The following PCBP3 variants were observed in gnomAD, a reference collection of about 807,000 sequenced individuals.
The protein encoded by PCBP3 is poly(rC)-binding protein 3.
In PCBP3, 25 loss-of-function variants were observed where a neutral mutation model predicts 52.7. The ratio of observed to expected loss-of-function variants is 0.47; its 90% CI spans 0.35 to 0.66. PCBP3 has a LOEUF of 0.66. Ranked by LOEUF, PCBP3 falls within the 30% of genes least tolerant of loss-of-function variation. The probability of loss-of-function intolerance (pLI) is 0.01; values close to 1 mark genes in which losing one functional copy is unlikely to be tolerated. For synonymous variants in PCBP3, 162 were observed against 183.0 expected (o/e 0.89, Z 0.93); for missense variants, 391 against 490.3 (o/e 0.80, Z 1.91).
intron 5 of PCBP3, among the ~76,000 whole-genome samples, chr21:45,884,530 C>T (rs1007646008): frequency 6.6e-6 from 1 of 152,056 alleles, no homozygotes; most frequent in African/African-American, 2.4e-5. Flanking sequence ...AACATGCATG[C>T]ACATCTAAAT....
intron 5 of PCBP3, among the ~76,000 whole-genome samples, chr21:45,868,497 G>T (rs1255926645): frequency 1.4e-5 from 2 of 145,122 alleles, no homozygotes; most frequent in South Asian, 2.2e-4. Context: ...CTACAAATGT[G>T]TGTGTCTGAC....
intron 11 of PCBP3, among the ~76,000 whole-genome samples, chr21:45,913,439 A>T (rs1282126752): frequency 2.0e-5 from 3 of 152,144 alleles, no homozygotes; most frequent in Non-Finnish European, 4.4e-5. Context: ...AGAACATTCA[A>T]GAGAATTGCT....
At chr21:45,930,197 T>C (rs982011277) in intron 14 of PCBP3, among the ~76,000 whole-genome samples, 1 of 152,074 alleles carries the variant, frequency 6.6e-6, no homozygotes, top group Admixed American at 6.5e-5. Context: ...GCTCCCACTG[T>C]TGGGGGCTGG....
intron 2 of PCBP3, among the ~76,000 whole-genome samples, chr21:45,732,097 GTTAGAAAAAATCTTC>G (rs2145779761): frequency 6.6e-6 from 1 of 151,982 alleles, no homozygotes; most frequent in East Asian, 1.9e-4. Flanking sequence ...GCTTTTGTTT[GTTAGAAAAAATCTTC>G]TTTTTACTTT....
chr21:45,782,418 A>G (rs56378934), intron 4 of PCBP3, among the ~76,000 whole-genome samples: 29,545 of 152,182 alleles, frequency 0.19, 3,061 homozygotes, highest in Middle Eastern at 0.34. Flanking sequence ...TTTACTAGAC[A>G]TGCCTAACAG....
Position 45,935,243 on chromosome 21 carries a change from G to GTATA in PCBP3, c.857-9_857-6dup, listed in dbSNP as rs2076762897. The GTATA allele has an allele frequency of 6.2e-7, 1 of 1,607,416 alleles. No homozygotes were observed. The highest frequency in any genetic ancestry group is 8.5e-7 in the Non-Finnish European group (1 of 1,175,484). On this transcript the variant is annotated splice_polypyrimidine_tract_variant and intron_variant, in intron 15 of 17. Transcript: ENST00000681687. ...CCACCAGCCTAACCATGTCCCCTTG[G>GTATA]TATACCCAGGTCTGGACGCCAGCCC... is the stretch of plus-strand genomic sequence containing the variant.
chr21:45,902,792 G>A (rs570611004), intron 9 of PCBP3, among the ~76,000 whole-genome samples: 34 of 152,382 alleles, frequency 2.2e-4, no homozygotes. Context: ...CGCCAGCATG[G>A]CTGGCCAGCA....
At chr21:45,901,431 C>T (rs2096035849) in intron 9 of PCBP3, 2 of 319,102 alleles carry the variant, frequency 6.3e-6, no homozygotes, top group South Asian at 3.1e-5. Flanking sequence ...TCCCCTGGGG[C>T]GTGCAGCCTG....
intron 4 of PCBP3, among the ~76,000 whole-genome samples, chr21:45,840,205 C>A (rs982657144): frequency 2.0e-5 from 3 of 151,574 alleles, no homozygotes; most frequent in Non-Finnish European, 2.9e-5. Flanking sequence ...GTAATCCCAG[C>A]ACTTTGGGAG....
At position 45,928,089 on chromosome 21, in the gene PCBP3, G is replaced by A. The variant is rs1245751796; in HGVS notation, c.718-1828G>A. On this transcript the variant is annotated intron_variant, in intron 13 of 17. Coordinates refer to ENST00000681687, the MANE Select transcript of PCBP3 (RefSeq NM_001384156.1). The surrounding 1 kb of genome is among the most constrained non-coding windows in gnomAD (Gnocchi z 4.1). ...CTTGCGGTCTTTCCTGACGTGCCCC[G>A]TCCAGGTGGGGCGCCTTCACTAGGA... is the stretch of plus-strand genomic sequence containing the variant. Among the ~76,000 whole-genome samples the A allele has an allele frequency of 3.3e-5, 5 of 152,332 alleles. No individual in the cohort carries two copies. Among genetic ancestry groups the A allele is most frequent in the African/African-American group, 9.6e-5 (4 of 41,588 alleles).
chr21:45,899,872 C>T (rs566158958), intron 7 of PCBP3, among the ~76,000 whole-genome samples: 2 of 152,294 alleles, frequency 1.3e-5, no homozygotes, highest in East Asian at 1.9e-4. Context: ...GCCCCCTGCC[C>T]GTGGCCTTGG....
chr21:45,730,770 T>C (rs2085395559), intron 2 of PCBP3, among the ~76,000 whole-genome samples: 3 of 152,192 alleles, frequency 2.0e-5, no homozygotes, highest in African/African-American at 7.2e-5. Context: ...TTAATTATTA[T>C]ATAATGTCCT....
intron 2 of PCBP3, among the ~76,000 whole-genome samples, chr21:45,682,033 G>T (rs900999498): frequency 2.0e-5 from 3 of 152,052 alleles, no homozygotes; most frequent in Non-Finnish European, 2.9e-5. Context: ...AGAAGAAGAG[G>T]AGAAGAAGAG....
Position 45,912,191 on chromosome 21 carries a change from C to T in PCBP3, c.600+1161C>T, listed in dbSNP as rs534310390. 4.6e-5 allele frequency among the ~76,000 whole-genome samples: 7 copies of T among 152,332 alleles called. No individual in the cohort carries two copies. In the South Asian group the frequency reaches 1.2e-3, roughly 27 times the overall value. On this transcript the variant is annotated intron_variant, in intron 11 of 17. Coordinates refer to ENST00000681687, the MANE Select transcript of PCBP3 (RefSeq NM_001384156.1). ...CCAAGGCTGCCCATGCCCCCAGAGCCATCATCCGAACCACCCTATCTCCTT... is the reference window on the plus strand; with the variant it reads ...CCAAGGCTGCCCATGCCCCCAGAGCTATCATCCGAACCACCCTATCTCCTT...
chr21:45,666,881 C>G (rs183855457), intron 1 of PCBP3, among the ~76,000 whole-genome samples: 7 of 151,908 alleles, frequency 4.6e-5, no homozygotes, highest in Admixed American at 3.9e-4. Context: ...TTTCACAACT[C>G]TTTGTCTTTT....
chr21:45,664,550 A>C (rs1323984306), intron 1 of PCBP3, among the ~76,000 whole-genome samples: 1 of 152,014 alleles, frequency 6.6e-6, no homozygotes, highest in African/African-American at 2.4e-5. Flanking sequence ...TAATAACATT[A>C]GCTAAATATA....
At chr21:45,645,641 C>T (rs1349712718) in intron 1 of PCBP3, among the ~76,000 whole-genome samples, 2 of 152,188 alleles carry the variant, frequency 1.3e-5, no homozygotes, top group Non-Finnish European at 2.9e-5. Flanking sequence ...TCTGAGGAGG[C>T]TGACAGCATG....
intron 4 of PCBP3, among the ~76,000 whole-genome samples, chr21:45,841,581 G>C (rs1005157561): frequency 6.6e-6 from 1 of 151,960 alleles, no homozygotes; most frequent in Non-Finnish European, 1.5e-5. Context: ...TATGAGTTTC[G>C]TTTTCTTTGT....
chr21:45,744,705 C>G (rs946881681), intron 3 of PCBP3, among the ~76,000 whole-genome samples: 1 of 151,918 alleles, frequency 6.6e-6, no homozygotes, highest in Non-Finnish European at 1.5e-5. Context: ...TTAATAGTTT[C>G]CTGAGTGCTT....
Sources: gnomAD v4.1 joint callset for allele counts (sites outside exome capture counted in the v4.1 genomes callset) on GRCh38, gnomAD v4.1.1 for gene constraint, Gnocchi (gnomAD v3.1) non-coding constraint, MANE v1.5 for transcripts, NCBI Gene and HGNC (gene_info 2026-07-23, HGNC 2026-07-21) for gene names.